Variants in DGKG observed in about 807,000 individuals in gnomAD.
DGKG encodes the protein diacylglycerol kinase gamma, also known as DAG kinase gamma.
DGKG carries 78 observed loss-of-function variants against 105.3 expected under a neutral mutation model. That is an observed-to-expected ratio of 0.74 (90% CI 0.62 to 0.89). The LOEUF is 0.89. Among genes scored for constraint, DGKG ranks in the 40% least tolerant of loss-of-function variants. The pLI is 0.00. For synonymous variants in DGKG, 346 were observed against 367.1 expected (o/e 0.94, Z 0.66); for missense variants, 958 against 1,020.1 (o/e 0.94, Z 0.83).
rs971123985 is a variant in DGKG at position 186,311,843 on chromosome 3, G to T, written c.68-4866C>A. Among the ~76,000 whole-genome samples, 20 of 129,488 alleles carry T rather than the reference G, an allele frequency of 1.5e-4. 5 individuals carry two copies. The highest frequency in any genetic ancestry group is 9.7e-4 in the African/African-American group (20 of 20,670). The allele number at this position is 129,488 out of a possible 152,430, so 84.9% of individuals were successfully genotyped here. On this transcript the variant is annotated intron_variant, in intron 2 of 24. Coordinates refer to ENST00000265022, the MANE Select transcript of DGKG (RefSeq NM_001346.3). ...GTTAAGAACACAGAGTAGGCCGGGC[G>T]CGGTGGCTCACGCCTGTAATCCCAG...
At chr3:186,223,604 T>C (rs1719708839) in intron 20 of DGKG, among the ~76,000 whole-genome samples, 1 of 152,186 alleles carries the variant, frequency 6.6e-6, no homozygotes, top group African/African-American at 2.4e-5. Flanking sequence ...ATCTTCTTCC[T>C]GTGCCAGTTT....
intron 21 of DGKG, chr3:186,207,530 T>TA (rs1718805493): frequency 4.1e-6 from 4 of 984,034 alleles, no homozygotes; most frequent in Admixed American, 6.1e-5. Context: ...GCCAGTTACA[T>TA]AAAAAAACAA....
At chr3:186,189,739 C>G (rs1335589280) in intron 21 of DGKG, among the ~76,000 whole-genome samples, 1 of 152,114 alleles carries the variant, frequency 6.6e-6, no homozygotes, top group East Asian at 1.9e-4. Flanking sequence ...ATCTTGTTTC[C>G]CCAACTACAA....
chr3:186,216,268 G>C (rs1238804013), intron 20 of DGKG, among the ~76,000 whole-genome samples: 2 of 151,932 alleles, frequency 1.3e-5, no homozygotes, highest in African/African-American at 4.8e-5. Flanking sequence ...TCAAAGTATT[G>C]GGATTGCAGG....
At chr3:186,188,807 A>G (rs1010483964) in intron 21 of DGKG, among the ~76,000 whole-genome samples, 1 of 151,866 alleles carries the variant, frequency 6.6e-6, no homozygotes, top group African/African-American at 2.4e-5. Context: ...ATGACAGAAA[A>G]TTTTCATATA....
intron 10 of DGKG, among the ~76,000 whole-genome samples, chr3:186,274,695 T>C (rs1722494787): frequency 6.6e-6 from 1 of 152,212 alleles, no homozygotes; most frequent in South Asian, 2.1e-4. Flanking sequence ...GCTTCATCCA[T>C]GTCCCTACAA....
Position 186,148,748 on chromosome 3 carries a change from G to A in DGKG, c.*1342C>T, listed in dbSNP as rs1423947269. ...AGCAGGTCTTTCATGCTTGTTTTGAGGATCCAGAATAGGAGTTCTCGGTCT... is the reference window on the plus strand; with the variant it reads ...AGCAGGTCTTTCATGCTTGTTTTGAAGATCCAGAATAGGAGTTCTCGGTCT... On this transcript the variant is annotated 3_prime_UTR_variant, in exon 25 of 25. Coordinates refer to ENST00000265022, the MANE Select transcript of DGKG (RefSeq NM_001346.3). 1 of 985,228 alleles carries A rather than the reference G, an allele frequency of 1.0e-6. No individual in the cohort carries two copies. Among genetic ancestry groups the A allele is most frequent in the Non-Finnish European group, 1.2e-6 (1 of 829,850 alleles). 61.0% of individuals were successfully genotyped at this position (985,228 alleles called of 1,614,324 possible).
chr3:186,288,621 C>T, intron 6 of DGKG, 89 bp downstream of exon 6: 1 of 1,399,088 alleles, frequency 7.1e-7, no homozygotes, highest in Non-Finnish European at 9.9e-7. Context: ...GATATCAACT[C>T]AATCTCCAGT....
intron 1 of DGKG, among the ~76,000 whole-genome samples, chr3:186,339,856 T>C (rs1002055813): frequency 1.3e-5 from 2 of 152,240 alleles, no homozygotes; most frequent in Non-Finnish European, 2.9e-5. Flanking sequence ...CAGCATGTCC[T>C]CCATGACATT....
rs115564228 is a variant in DGKG, at chr3:186,213,112, G to C, written c.1827-1227C>G. On this transcript the variant is annotated intron_variant, in intron 20 of 24. Coordinates refer to ENST00000265022, the MANE Select transcript of DGKG (RefSeq NM_001346.3). ...TATGAAGACTTCTGAGATCTAGTTGGTTGGGAAATAGCTTCTCTGACTCTT... is the reference window on the plus strand; with the variant it reads ...TATGAAGACTTCTGAGATCTAGTTGCTTGGGAAATAGCTTCTCTGACTCTT... Among the ~76,000 whole-genome samples, 926 of 152,340 alleles carry C rather than the reference G, an allele frequency of 6.1e-3. 7 individuals are homozygous for C. The highest frequency in any genetic ancestry group is 0.031 in the Middle Eastern group (9 of 294).
At chr3:186,251,710 T>C in intron 19 of DGKG, 49 bp downstream of exon 19, 4 of 1,609,326 alleles carry the variant, frequency 2.5e-6, no homozygotes, top group Non-Finnish European at 3.4e-6. Context: ...CTGGAACCCT[T>C]CCTGGGCGTT....
intron 21 of DGKG, among the ~76,000 whole-genome samples, chr3:186,194,286 T>G (rs1057320461): frequency 1.3e-5 from 2 of 152,202 alleles, no homozygotes; most frequent in Admixed American, 6.5e-5. Flanking sequence ...GCCCTTGATG[T>G]CTCGATCCCT....
chr3:186,164,805 GC>G, intron 23 of DGKG, 92 bp downstream of exon 23: 3 of 1,421,192 alleles, frequency 2.1e-6, no homozygotes, highest in South Asian at 2.8e-5. Context: ...CACTCTCCCT[GC>G]CCTAAAATCC....
At chr3:186,163,678 C>A (rs185465962) in intron 23 of DGKG, among the ~76,000 whole-genome samples, 65 of 152,142 alleles carry the variant, frequency 4.3e-4, no homozygotes, top group Middle Eastern at 3.4e-3. Context: ...TCCTGGCTCA[C>A]CCCCTCTGTT....
chr3:186,257,969 C>T (rs780363318), intron 16 of DGKG, 30 bp from the exon 17 acceptor site: 1 of 1,551,734 alleles, frequency 6.4e-7, no homozygotes, highest in Non-Finnish European at 8.9e-7. Context: ...CCAAAATGGG[C>T]TTGTTACTAG....
chr3:186,284,700 C>A lies in DGKG; in HGVS notation c.554G>T (p.Arg185Leu). 1.2e-5 allele frequency: 20 copies of A among 1,613,818 alleles called. No homozygotes were observed. The highest frequency in any genetic ancestry group is 1.6e-5 in the Non-Finnish European group (19 of 1,179,764). Reference sequence around the variant, plus strand: ...ACCGTTCTCATCTGAATCATAGAGGCGAAACATGACTGTAAGAAACACAGA... The same window carrying A: ...ACCGTTCTCATCTGAATCATAGAGGAGAAACATGACTGTAAGAAACACAGA... ...RPQDKLEFMF[R>L]LYDSDENGLL... The change falls in exon 7 of 25, where the codon CGC becomes CTC. Residue 185 changes from arginine to leucine, a missense_variant. Arg to Leu is a moderately radical substitution (Grantham distance 102). Coordinates refer to ENST00000265022, the MANE Select transcript of DGKG (RefSeq NM_001346.3). The surrounding 1 kb of genome is among the most constrained non-coding windows in gnomAD (Gnocchi z 4.0).
At chr3:186,341,156 T>C (rs989074902) in intron 1 of DGKG, among the ~76,000 whole-genome samples, 3 of 152,230 alleles carry the variant, frequency 2.0e-5, no homozygotes, top group Admixed American at 6.5e-5. Flanking sequence ...ATAGGGATAA[T>C]GTTGTCATTG....
intron 22 of DGKG, among the ~76,000 whole-genome samples, chr3:186,175,640 G>A (rs1480662505): frequency 1.3e-5 from 2 of 152,172 alleles, no homozygotes; most frequent in Admixed American, 1.3e-4. Flanking sequence ...GGAGCCAGCA[G>A]AGCTATGGAA....
rs996085733 is a variant in DGKG at position 186,203,803 on chromosome 3, G to A, written c.1917+7992C>T. ...TCTCAACTTTCCCTTCCCCATGCGT[G>A]TTTCCATTTCTTCCACTGTGGCGGC... On this transcript the variant is annotated intron_variant, in intron 21 of 24. Transcript: ENST00000265022. The surrounding 1 kb of genome is among the most constrained non-coding windows in gnomAD (Gnocchi z 4.9). Among the ~76,000 whole-genome samples the A allele has an allele frequency of 3.3e-5, 5 of 152,186 alleles. No individual in the cohort carries two copies. The highest frequency in any genetic ancestry group is 1.2e-4 in the African/African-American group (5 of 41,442).
Sources: gnomAD v4.1 joint callset for allele counts (sites outside exome capture counted in the v4.1 genomes callset) on GRCh38, gnomAD v4.1.1 for gene constraint, Gnocchi (gnomAD v3.1) non-coding constraint, MANE v1.5 for transcripts, NCBI Gene and HGNC (gene_info 2026-07-23, HGNC 2026-07-21) for gene names.